The following NAALADL2 variants were observed in gnomAD, a reference collection of about 807,000 sequenced individuals.
NAALADL2 encodes inactive N-acetylated-alpha-linked acidic dipeptidase-like protein 2.
A neutral mutation model predicts 87.2 loss-of-function variants in NAALADL2; 76 were observed. The ratio of observed to expected loss-of-function variants is 0.87; its 90% CI spans 0.72 to 1.05. NAALADL2 has a LOEUF of 1.05. NAALADL2 is among the 50% of genes least tolerant of loss of function. NAALADL2 has a pLI of 0.00. For synonymous variants in NAALADL2, 354 were observed against 331.0 expected, an observed-to-expected ratio of 1.07 and a Z score of -0.75; for missense variants, 1,089 against 945.8, an observed-to-expected ratio of 1.15 and a Z score of -1.99.
intron 5 of NAALADL2, among the ~76,000 whole-genome samples, chr3:175,375,676 T>G (rs915091741): frequency 1.3e-5 from 2 of 152,162 alleles, no homozygotes; most frequent in African/African-American, 4.8e-5. Flanking sequence ...GGGAGTTTTG[T>G]GTAGATAATA....
At chr3:175,208,885 G>C (rs565861296) in intron 2 of NAALADL2, among the ~76,000 whole-genome samples, 1 of 152,286 alleles carries the variant, frequency 6.6e-6, no homozygotes, top group South Asian at 2.1e-4. Context: ...TCCAGGCGCA[G>C]ATTGAACTGT....
chr3:174,818,071 T>G (rs1720994249), intron 3 of NAALADL2, among the ~76,000 whole-genome samples: 1 of 152,168 alleles, frequency 6.6e-6, no homozygotes, highest in South Asian at 2.1e-4. Context: ...TTGTGTCTGT[T>G]GTTAGTACCG....
intron 3 of NAALADL2, among the ~76,000 whole-genome samples, chr3:174,795,149 G>C (rs1316429333): frequency 6.7e-6 from 1 of 148,320 alleles, no homozygotes; most frequent in Non-Finnish European, 1.5e-5. Flanking sequence ...GCACCACCAT[G>C]CCTGGCTAGT....
intron 2 of NAALADL2, among the ~76,000 whole-genome samples, chr3:175,100,265 A>G (rs1454370736): frequency 6.6e-6 from 1 of 152,070 alleles, no homozygotes; most frequent in African/African-American, 2.4e-5. Context: ...CCCAGAGATG[A>G]TTATCCATTT....
chr3:175,673,775 T>C (rs1734326294), intron 11 of NAALADL2, among the ~76,000 whole-genome samples: 1 of 152,056 alleles, frequency 6.6e-6, no homozygotes, highest in Non-Finnish European at 1.5e-5. Context: ...CCCAAAGGAA[T>C]ATAAAGACTA....
chr3:174,717,613 G>GTAT (rs756554581), intron 2 of NAALADL2, among the ~76,000 whole-genome samples: 3 of 152,044 alleles, frequency 2.0e-5, no homozygotes, highest in Non-Finnish European at 4.4e-5. Flanking sequence ...TGTAGTCTCA[G>GTAT]TATAGTAATT....
At chr3:174,672,028 A>G (rs1726599631) in intron 2 of NAALADL2, among the ~76,000 whole-genome samples, 2 of 151,912 alleles carry the variant, frequency 1.3e-5, no homozygotes, top group South Asian at 4.1e-4. Context: ...TGAGTAATGT[A>G]ATGTGTGGAT....
intron 3 of NAALADL2, among the ~76,000 whole-genome samples, chr3:174,846,094 A>G (rs1191650600): frequency 6.6e-6 from 1 of 152,140 alleles, no homozygotes; most frequent in Non-Finnish European, 1.5e-5. Context: ...TCCTGTAGCA[A>G]TAAAATGTGC....
intron 5 of NAALADL2, among the ~76,000 whole-genome samples, chr3:175,380,875 A>G (rs572428347): frequency 6.6e-6 from 1 of 152,254 alleles, no homozygotes; most frequent in African/African-American, 2.4e-5. Context: ...TTACTCAATT[A>G]TAAAGCTTTA....
At chr3:175,063,197 C>A (rs558617504) in intron 1 of NAALADL2, among the ~76,000 whole-genome samples, 1 of 152,132 alleles carries the variant, frequency 6.6e-6, no homozygotes, top group Non-Finnish European at 1.5e-5. Context: ...TAAGTGACAG[C>A]TGAATTATTG....
intron 13 of NAALADL2, among the ~76,000 whole-genome samples, chr3:175,757,514 G>A (rs1439934672): frequency 6.6e-6 from 1 of 151,958 alleles, no homozygotes; most frequent in Non-Finnish European, 1.5e-5. Flanking sequence ...TTTAAAGCCC[G>A]ATATTTGGTA....
At chr3:175,027,399 C>G (rs1007682624) in intron 1 of NAALADL2, among the ~76,000 whole-genome samples, 4 of 151,802 alleles carry the variant, frequency 2.6e-5, no homozygotes, top group Non-Finnish European at 5.9e-5. Context: ...GTTATGTAAA[C>G]CATAACATTA....
chr3:175,562,719 A>G (rs939256497), intron 9 of NAALADL2, among the ~76,000 whole-genome samples: 2 of 152,094 alleles, frequency 1.3e-5, no homozygotes, highest in Admixed American at 6.6e-5. Flanking sequence ...TACTAAATGA[A>G]CAAGTATGTA....
intron 1 of NAALADL2, among the ~76,000 whole-genome samples, chr3:175,072,693 TG>T (rs1266144070): frequency 3.9e-5 from 3 of 76,784 alleles, no homozygotes; most frequent in Non-Finnish European, 7.0e-5. Flanking sequence ...AAAAACGGGG[TG>T]GGGGGAGGGG....
intron 1 of NAALADL2, among the ~76,000 whole-genome samples, chr3:174,990,792 C>T (rs188336195): frequency 6.6e-6 from 1 of 152,250 alleles, no homozygotes; most frequent in African/African-American, 2.4e-5. Context: ...ATGGCTGGCT[C>T]TATTTCCAGT....
intron 2 of NAALADL2, among the ~76,000 whole-genome samples, chr3:174,662,087 A>C (rs954161045): frequency 6.6e-6 from 1 of 152,178 alleles, no homozygotes; most frequent in Non-Finnish European, 1.5e-5. Context: ...ACTGTGGGAT[A>C]AAAATAAAAT....
chr3:174,501,023 G>C (rs1454811152), intron 1 of NAALADL2, among the ~76,000 whole-genome samples: 2 of 91,124 alleles, frequency 2.2e-5, no homozygotes, highest in African/African-American at 8.7e-5. Flanking sequence ...TGCCCGGCCT[G>C]TATTGGATAA....
intron 2 of NAALADL2, among the ~76,000 whole-genome samples, chr3:174,601,758 G>A (rs1030459247): frequency 1.3e-5 from 2 of 152,184 alleles, no homozygotes; most frequent in Admixed American, 1.3e-4. Flanking sequence ...ATGTTTTGTT[G>A]TAGTAGTTTC....
intron 1 of NAALADL2, among the ~76,000 whole-genome samples, chr3:175,061,338 G>A (rs1713435633): frequency 1.3e-5 from 2 of 152,270 alleles, no homozygotes; most frequent in Middle Eastern, 3.4e-3. Context: ...ATTATGATCA[G>A]CTGGTTTTAT....
Sources: gnomAD v4.1 joint callset for allele counts (sites outside exome capture counted in the v4.1 genomes callset) on GRCh38, gnomAD v4.1.1 for gene constraint, MANE v1.5 for transcripts, NCBI Gene and HGNC (gene_info 2026-07-23, HGNC 2026-07-21) for gene names.